Variants in PAFAH1B2 observed in about 807,000 individuals in gnomAD.
The protein encoded by PAFAH1B2 is platelet activating factor acetylhydrolase 1b catalytic subunit 2.
PAFAH1B2 carries 8 observed loss-of-function variants against 28.0 expected under a neutral mutation model. The observed-to-expected ratio is 0.29, with a 90% confidence interval of 0.17 to 0.52. PAFAH1B2 has a LOEUF of 0.52. Ranked by LOEUF, PAFAH1B2 falls within the 20% of genes least tolerant of loss-of-function variation. PAFAH1B2 has a pLI of 0.97. For synonymous variants in PAFAH1B2, 104 were observed against 103.2 expected, an observed-to-expected ratio of 1.01 and a Z score of -0.05; for missense variants, 190 against 282.6, an observed-to-expected ratio of 0.67 and a Z score of 2.35.
intron 2 of PAFAH1B2, among the ~76,000 whole-genome samples, chr11:117,157,624 GA>G (rs1956281114): frequency 6.6e-6 from 1 of 152,120 alleles, no homozygotes. Context: ...CAGAGTTTGA[GA>G]AAAGGAAACA....
In PAFAH1B2 at chr11:117,169,140, T is replaced by A. The variant is rs996903502; in HGVS notation, c.*1441T>A. On this transcript the variant is annotated 3_prime_UTR_variant, in exon 6 of 6. Coordinates refer to ENST00000527958, the MANE Select transcript of PAFAH1B2 (RefSeq NM_002572.4). ...CCTCCAAAAATTTTGGGCCTTTTTC[T>A]GTGGGGAAACAAGTGAAGCTGCTCT... 1.4e-4 allele frequency: 148 copies of A among 1,024,914 alleles called. No homozygotes were observed. In the African/African-American group the frequency reaches 2.4e-3, roughly 16 times the overall value. The allele number at this position is 1,024,914 out of a possible 1,614,324, so 63.5% of individuals were successfully genotyped here.
intron 5 of PAFAH1B2, among the ~76,000 whole-genome samples, chr11:117,165,248 G>A (rs181550560): frequency 1.5e-3 from 224 of 151,154 alleles, no homozygotes; most frequent in African/African-American, 4.5e-3. Flanking sequence ...CATCACGCCT[G>A]GCTGAAGCAG....
In PAFAH1B2 at chr11:117,164,360, T is replaced by G. The variant is rs182472997; in HGVS notation, c.411+468T>G. On this transcript the variant is annotated intron_variant, in intron 5 of 5. Transcript: ENST00000527958. ...AGGCAGAGCTTACAGTGAGCAGAGA[T>G]TGTGCCACTGCACTCCAGCCTGGGT... 4.5e-3 allele frequency among the ~76,000 whole-genome samples: 686 copies of G among 151,988 alleles called. 9 individuals are homozygous for G. The highest frequency in any genetic ancestry group is 0.016 in the African/African-American group (643 of 41,454).
chr11:117,156,299 G>T (rs1956253772), intron 2 of PAFAH1B2, among the ~76,000 whole-genome samples: 1 of 152,202 alleles, frequency 6.6e-6, no homozygotes, highest in African/African-American at 2.4e-5. Context: ...CATTTATCAA[G>T]TACCTAGTGG....
intron 5 of PAFAH1B2, among the ~76,000 whole-genome samples, chr11:117,165,157 G>A (rs955815147): frequency 1.3e-5 from 2 of 151,408 alleles, no homozygotes; most frequent in Non-Finnish European, 2.9e-5. Context: ...GGGTTTCACC[G>A]TGTTAGCCAT....
At chr11:117,165,221 C>T (rs1313727349) in intron 5 of PAFAH1B2, among the ~76,000 whole-genome samples, 2 of 150,910 alleles carry the variant, frequency 1.3e-5, no homozygotes, top group Non-Finnish European at 2.9e-5. Context: ...CAAAGTGCTG[C>T]GATTACAGAC....
intron 1 of PAFAH1B2, among the ~76,000 whole-genome samples, chr11:117,150,856 C>T (rs556445035): frequency 1.3e-4 from 20 of 151,982 alleles, no homozygotes; most frequent in Non-Finnish European, 2.1e-4. Context: ...GGCGTGGTGG[C>T]GGGCGCTTGT....
chr11:117,152,078 T>G (rs1387525867), intron 1 of PAFAH1B2, among the ~76,000 whole-genome samples: 1 of 152,218 alleles, frequency 6.6e-6, no homozygotes, highest in Non-Finnish European at 1.5e-5. Flanking sequence ...TGATGTAGAT[T>G]TAATTGTACT....
Position 117,170,981 on chromosome 11 carries a change from A to G in PAFAH1B2, c.*3282A>G. 2 of 1,049,494 alleles carry G rather than the reference A, an allele frequency of 1.9e-6. No homozygotes were observed. The highest frequency in any genetic ancestry group is 2.3e-6 in the Non-Finnish European group (2 of 869,314). 65.0% of individuals were successfully genotyped at this position (1,049,494 alleles called of 1,614,324 possible). A position where few individuals can be genotyped will look rare whatever the true frequency, so the allele number is the denominator to read the frequency against. The stretch of plus-strand genomic sequence containing the variant: ...TGTGATTTTGCTTTGGCAAAGTTTC[A>G]TTGACTAGTAGAACTCATTCTGTTT... On this transcript the variant is annotated 3_prime_UTR_variant, in exon 6 of 6. Transcript: ENST00000527958.
intron 1 of PAFAH1B2, among the ~76,000 whole-genome samples, chr11:117,149,574 C>A (rs1417824114): frequency 6.6e-6 from 1 of 150,902 alleles, no homozygotes; most frequent in African/African-American, 2.4e-5. Context: ...CTACAGGTGC[C>A]CGCCACCACG....
chr11:117,158,188 A>C (rs1956294191), intron 2 of PAFAH1B2, among the ~76,000 whole-genome samples: 1 of 152,106 alleles, frequency 6.6e-6, no homozygotes, highest in Admixed American at 6.6e-5. Context: ...TTGATGGGTA[A>C]AATTTGTTTT....
downstream of PAFAH1B2, chr11:117,175,887 G>A (rs751959527): frequency 3.3e-6 from 5 of 1,535,320 alleles, no homozygotes; most frequent in Non-Finnish European, 4.4e-6. Context: ...TGTATCACGA[G>A]TGTTTCTTAA....
intron 1 of PAFAH1B2, among the ~76,000 whole-genome samples, chr11:117,148,649 G>A (rs556947511): frequency 6.6e-6 from 1 of 152,292 alleles, no homozygotes; most frequent in East Asian, 1.9e-4. Context: ...TAAGCTGGGA[G>A]TGGTAGTGTG....
At chr11:117,149,380 G>A (rs1956089942) in intron 1 of PAFAH1B2, among the ~76,000 whole-genome samples, 1 of 147,772 alleles carries the variant, frequency 6.8e-6, no homozygotes, top group African/African-American at 2.5e-5. Context: ...GCCACACCTG[G>A]CTAAAATCTA....
At chr11:117,153,102 G>A (rs1956188472) in intron 2 of PAFAH1B2, among the ~76,000 whole-genome samples, 1 of 152,150 alleles carries the variant, frequency 6.6e-6, no homozygotes, top group Non-Finnish European at 1.5e-5. Context: ...CTGTAACCTT[G>A]TGACCCGTGA....
At chr11:117,172,402 ATATTTTTTTTTTTTTTTT>A (rs1956691505), downstream of PAFAH1B2, among the ~76,000 whole-genome samples, 2 of 5,518 alleles carry the variant, frequency 3.6e-4, no homozygotes, top group African/African-American at 4.4e-4. Flanking sequence ...ATATATATAT[ATATTTTTTTTTTTTTTTT>A]TTTTTTTTTA....
intron 2 of PAFAH1B2, among the ~76,000 whole-genome samples, chr11:117,156,613 T>C (rs1398315372): frequency 2.6e-5 from 4 of 152,246 alleles, no homozygotes; most frequent in African/African-American, 9.6e-5. Context: ...TGGTCCTTTC[T>C]ATTTTTCCAA....
downstream of PAFAH1B2, chr11:117,175,108 A>G (rs958245101): frequency 8.8e-6 from 11 of 1,249,266 alleles, no homozygotes; most frequent in African/African-American, 3.1e-5. Context: ...GGTGGTCCAC[A>G]GGGAAATATA....
chr11:117,163,726 TG>T (rs766475185), intron 4 of PAFAH1B2, 43 bp from the exon 5 acceptor site: 40 of 1,590,532 alleles, frequency 2.5e-5, no homozygotes, highest in Admixed American at 3.5e-5. Flanking sequence ...CCTTTGTTCC[TG>T]GGTATTTATC....
Sources: allele counts gnomAD v4.1 joint callset (sites outside exome capture counted in the v4.1 genomes callset), GRCh38; gene constraint gnomAD v4.1.1; transcripts MANE v1.5; gene names NCBI Gene and HGNC (gene_info 2026-07-23, HGNC 2026-07-21).